ZC3H12B: variants seen among roughly 807,000 people sequenced by gnomAD.
ZC3H12B encodes the protein zinc finger CCCH-type containing 12B.
ZC3H12B carries 7 observed loss-of-function variants against 43.9 expected under a neutral mutation model. The ratio of observed to expected loss-of-function variants is 0.16; its 90% CI spans 0.09 to 0.30. The LOEUF (loss-of-function observed/expected upper bound fraction) is 0.30. Ranked by LOEUF, ZC3H12B falls within the 10% of genes least tolerant of loss-of-function variation. The pLI is 1.00. For missense variants in ZC3H12B, 475 were observed against 670.2 expected, an observed-to-expected ratio of 0.71 and a Z score of 3.22; for synonymous variants, 222 against 241.7, an observed-to-expected ratio of 0.92 and a Z score of 0.76.
the ZC3H12B span, among the ~76,000 whole-genome samples, chrX:65,111,624 C>T: frequency 9.2e-6 from 1 of 108,767 alleles, no homozygotes; most frequent in African/African-American, 3.3e-5. Flanking sequence ...TGCCATTTTT[C>T]CAAAAGCATG....
intron 2 of ZC3H12B, among the ~76,000 whole-genome samples, chrX:65,376,946 A>G (rs2066354806): frequency 1.8e-5 from 2 of 111,393 alleles, no homozygotes; most frequent in Middle Eastern, 4.6e-3. Flanking sequence ...CCAGTCCAAG[A>G]GAAACAGAGA....
intron 4 of ZC3H12B, among the ~76,000 whole-genome samples, chrX:65,500,802 C>G (rs2068355987): frequency 9.1e-6 from 1 of 110,119 alleles, no homozygotes; most frequent in Non-Finnish European, 1.9e-5. Context: ...TACCCCAGTC[C>G]CTCTGATACA....
the ZC3H12B span, among the ~76,000 whole-genome samples, chrX:65,195,487 A>G: frequency 1.8e-5 from 2 of 111,658 alleles, no homozygotes; most frequent in African/African-American, 3.3e-5. Flanking sequence ...CTGCTTTTTA[A>G]CTTTTTGTTG....
intron 3 of ZC3H12B, among the ~76,000 whole-genome samples, chrX:65,448,041 G>A (rs771032892): frequency 1.5e-3 from 162 of 110,704 alleles, no homozygotes; most frequent in African/African-American, 5.1e-3. Context: ...GACCATCCCG[G>A]CTAACACAGT....
chrX:65,380,679 C>T (rs1441477522), intron 2 of ZC3H12B, among the ~76,000 whole-genome samples: 1 of 111,703 alleles, frequency 9.0e-6, no homozygotes, highest in Non-Finnish European at 1.9e-5. Flanking sequence ...GATAAAGAGT[C>T]AAGACCCATC....
At chrX:65,475,854 G>A (rs958831497) in intron 3 of ZC3H12B, among the ~76,000 whole-genome samples, 8 of 111,643 alleles carry the variant, frequency 7.2e-5, no homozygotes, top group Admixed American at 2.8e-4. Flanking sequence ...ACCCACCCCC[G>A]TGATTGAATT....
chrX:65,101,121 T>G, the ZC3H12B span, among the ~76,000 whole-genome samples: 2 of 111,970 alleles, frequency 1.8e-5, no homozygotes, highest in Non-Finnish European at 3.8e-5. Flanking sequence ...ACATGGAAAC[T>G]GAATAACCTG....
the ZC3H12B span, among the ~76,000 whole-genome samples, chrX:65,150,496 A>AC: frequency 9.3e-6 from 1 of 107,402 alleles, no homozygotes; most frequent in Admixed American, 1.0e-4. Flanking sequence ...CCTGCCCCCG[A>AC]CCCCCCAACA....
chrX:65,309,278 A>G, the ZC3H12B span, among the ~76,000 whole-genome samples: 1 of 111,671 alleles, frequency 9.0e-6, no homozygotes, highest in African/African-American at 3.3e-5. Context: ...AAGAGAGACA[A>G]CTCAAATAGA....
At chrX:65,110,219 T>C in the ZC3H12B span, among the ~76,000 whole-genome samples, 1 of 110,811 alleles carries the variant, frequency 9.0e-6, no homozygotes, top group Admixed American at 9.7e-5. Flanking sequence ...TGCAGTTAAA[T>C]ATTTTCTCCT....
At chrX:65,056,621 C>A in the ZC3H12B span, among the ~76,000 whole-genome samples, 1 of 111,449 alleles carries the variant, frequency 9.0e-6, no homozygotes, top group Non-Finnish European at 1.9e-5. Context: ...TGGTGCAGAG[C>A]TGAGTTCATT....
intron 2 of ZC3H12B, among the ~76,000 whole-genome samples, chrX:65,393,922 G>T (rs1226530074): frequency 8.9e-6 from 1 of 112,087 alleles, no homozygotes; most frequent in Admixed American, 9.4e-5. Flanking sequence ...TTGCATTGTG[G>T]TTTTGATTTG....
intron 3 of ZC3H12B, among the ~76,000 whole-genome samples, chrX:65,424,895 G>A (rs1184664352): frequency 1.8e-5 from 2 of 111,717 alleles, no homozygotes; most frequent in Admixed American, 1.9e-4. Flanking sequence ...AAGTTGGGTA[G>A]TGTGATGACC....
upstream of ZC3H12B, among the ~76,000 whole-genome samples, chrX:65,364,140 C>A (rs1294542049): frequency 1.8e-5 from 2 of 111,118 alleles, no homozygotes; most frequent in Non-Finnish European, 3.8e-5. Flanking sequence ...CAAAGGCAGG[C>A]TATGTTATAG....
the ZC3H12B span, among the ~76,000 whole-genome samples, chrX:65,278,144 T>G: frequency 1.8e-5 from 2 of 111,696 alleles, no homozygotes; most frequent in African/African-American, 6.5e-5. Flanking sequence ...AAGACTAATA[T>G]AAACAAATAC....
the ZC3H12B span, among the ~76,000 whole-genome samples, chrX:65,121,044 C>CT: frequency 8.1e-5 from 9 of 111,141 alleles, no homozygotes; most frequent in African/African-American, 2.6e-4. Context: ...CTGCAGGATT[C>CT]TTTTTGCCAG....
At chrX:65,485,380 A>G (rs1244730932), upstream of ZC3H12B, among the ~76,000 whole-genome samples, 1 of 112,112 alleles carries the variant, frequency 8.9e-6, no homozygotes, top group Admixed American at 9.4e-5. Context: ...CAGCCTCCAG[A>G]GTAGCTGGGA....
chrX:65,386,473 C>G (rs1026854410), intron 2 of ZC3H12B, among the ~76,000 whole-genome samples: 5 of 111,853 alleles, frequency 4.5e-5, no homozygotes, highest in Non-Finnish European at 9.4e-5. Context: ...GTTTGTATTT[C>G]TGTGGTATCA....
At chrX:65,439,942 A>G (rs1053882037) in intron 3 of ZC3H12B, among the ~76,000 whole-genome samples, 6 of 110,800 alleles carry the variant, frequency 5.4e-5, no homozygotes, top group African/African-American at 2.0e-4. Context: ...TCTTGGTGGT[A>G]TCCAAATCGG....
Sources: gnomAD v4.1 joint callset for allele counts (sites outside exome capture counted in the v4.1 genomes callset) on GRCh38, gnomAD v4.1.1 for gene constraint, MANE v1.5 for transcripts, NCBI Gene and HGNC (gene_info 2026-07-23, HGNC 2026-07-21) for gene names.